IQCM: variants seen among roughly 807,000 people sequenced by gnomAD.
The protein encoded by IQCM is IQ motif containing M, also known as IQ domain-containing protein M.
Under a neutral mutation model 57.6 loss-of-function variants are expected in IQCM, and 45 were observed. The ratio of observed to expected loss-of-function variants is 0.78; its 90% CI spans 0.62 to 1.00. The LOEUF is 1.00. Ranked by LOEUF, IQCM falls within the 50% of genes least tolerant of loss-of-function variation. The pLI is 0.00. For missense variants in IQCM, 468 were observed against 511.6 expected, an observed-to-expected ratio of 0.91 and a Z score of 0.82; for synonymous variants, 148 against 158.9, an observed-to-expected ratio of 0.93 and a Z score of 0.51.
chr4:149,559,088 C>T (rs1300495713), intron 10 of IQCM, among the ~76,000 whole-genome samples: 1 of 152,116 alleles, frequency 6.6e-6, no homozygotes, highest in East Asian at 1.9e-4. Flanking sequence ...TGACTCCACC[C>T]TCCTCCTTAT....
chr4:149,516,170 C>T (rs1744942460), intron 12 of IQCM, among the ~76,000 whole-genome samples: 1 of 152,198 alleles, frequency 6.6e-6, no homozygotes, highest in Non-Finnish European at 1.5e-5. Flanking sequence ...CGATATGGCA[C>T]CACTCCTCAG....
chr4:149,430,929 G>GTAGCT (rs200778770), intron 13 of IQCM, among the ~76,000 whole-genome samples: 1,527 of 152,126 alleles, frequency 0.01, 17 homozygotes, highest in Non-Finnish European at 0.013. Context: ...ACCAGGCGCA[G>GTAGCT]TAGCTCATGC....
At chr4:149,666,773 T>A (rs779420787) in intron 7 of IQCM, among the ~76,000 whole-genome samples, 1 of 151,874 alleles carries the variant, frequency 6.6e-6, no homozygotes, top group Non-Finnish European at 1.5e-5. Flanking sequence ...GAGGCTTGAG[T>A]AGGCATTTTC....
intron 12 of IQCM, among the ~76,000 whole-genome samples, chr4:149,435,478 A>T (rs560196392): frequency 1.3e-5 from 2 of 151,968 alleles, no homozygotes; most frequent in East Asian, 1.9e-4. Context: ...AACTATTTAC[A>T]TTACATTTAT....
intron 2 of IQCM, among the ~76,000 whole-genome samples, chr4:149,748,403 A>C (rs1367467134): frequency 2.0e-5 from 3 of 152,260 alleles, no homozygotes; most frequent in Non-Finnish European, 4.4e-5. Context: ...TTAAATCACA[A>C]AAAAGCAGTT....
intron 13 of IQCM, among the ~76,000 whole-genome samples, chr4:149,432,981 A>T (rs1196878019): frequency 2.6e-5 from 4 of 152,058 alleles, no homozygotes; most frequent in African/African-American, 7.2e-5. Flanking sequence ...CCAACTGTTG[A>T]TAGAGCTGTG....
At chr4:149,603,829 G>A (rs190750295) in intron 8 of IQCM, among the ~76,000 whole-genome samples, 1 of 151,918 alleles carries the variant, frequency 6.6e-6, no homozygotes, top group East Asian at 1.9e-4. Context: ...CCTAAATTCA[G>A]CATTTTTACC....
At chr4:149,454,706 CATGA>C (rs1292669201) in intron 12 of IQCM, among the ~76,000 whole-genome samples, 2 of 151,982 alleles carry the variant, frequency 1.3e-5, no homozygotes, top group Non-Finnish European at 2.9e-5. Context: ...CATGCTACAA[CATGA>C]ATAAACTTCA....
chr4:149,652,015 A>G (rs1438333241), intron 7 of IQCM, among the ~76,000 whole-genome samples: 1 of 152,192 alleles, frequency 6.6e-6, no homozygotes, highest in African/African-American at 2.4e-5. Context: ...TGTTTATTGC[A>G]GCACTATTCA....
At chr4:149,357,730 G>C (rs1004080623) in intron 13 of IQCM, among the ~76,000 whole-genome samples, 47 of 152,158 alleles carry the variant, frequency 3.1e-4, no homozygotes, top group African/African-American at 1.1e-3. Flanking sequence ...TCTCTGTCAG[G>C]CTTTGGTATC....
At position 149,383,347 on chromosome 4, in the gene IQCM, C is replaced by T. The variant is rs139070179; in HGVS notation, c.1391-31281G>A. The stretch of plus-strand genomic sequence containing the variant: ...CATGTTTGAAATCATAAGTAAAAAA[C>T]GAATACCTTAATGGCTCTCTAAGGA... On this transcript the variant is annotated intron_variant, in intron 13 of 13. Coordinates refer to ENST00000636793, the MANE Select transcript of IQCM (RefSeq NM_001363507.2). Among the ~76,000 whole-genome samples the T allele has an allele frequency of 2.0e-3, 304 of 152,170 alleles. 2 individuals carry two copies. The highest frequency in any genetic ancestry group is 0.01 in the Middle Eastern group (3 of 292).
At chr4:149,713,236 T>G (rs888830441) in intron 5 of IQCM, among the ~76,000 whole-genome samples, 15 of 152,196 alleles carry the variant, frequency 9.9e-5, no homozygotes, top group Non-Finnish European at 1.6e-4. Context: ...CTGTGATTCA[T>G]CGATACTACC....
intron 3 of IQCM, among the ~76,000 whole-genome samples, chr4:149,736,616 C>CA (rs1445530364): frequency 1.3e-5 from 2 of 152,116 alleles, no homozygotes; most frequent in African/African-American, 4.8e-5. Context: ...ACTCAATCTT[C>CA]ATGTGAATCA....
Position 149,503,236 on chromosome 4 carries a change from A to C in IQCM, c.1228+45219T>G, listed in dbSNP as rs1480017888. Among the ~76,000 whole-genome samples the C allele has an allele frequency of 2.0e-5, 3 of 152,290 alleles. No homozygotes were observed. In the East Asian group the frequency reaches 5.8e-4, roughly 29 times the overall value. On this transcript the variant is annotated intron_variant, in intron 12 of 13. Transcript: ENST00000636793. ...ACCCTGTCTCTACAAATAAAATTAA[A>C]TACAATAATATGAATAACAATAATA...
Position 149,473,141 on chromosome 4 carries a change from A to G in IQCM, c.1229-39584T>C, listed in dbSNP as rs1405297374. Among the ~76,000 whole-genome samples the G allele has an allele frequency of 4.6e-5, 7 of 152,256 alleles. No homozygotes were observed. In the East Asian group the frequency reaches 1.3e-3, roughly 29 times the overall value. ...GACAAATGGGAGCTAATTAAACTCA[A>G]GAGCTTCTGCACAGCAAAAGAAACT... On this transcript the variant is annotated intron_variant, in intron 12 of 13. Transcript: ENST00000636793.
rs373553895 is a variant in IQCM at position 149,543,420 on chromosome 4, C to T, written c.1228+5035G>A. On this transcript the variant is annotated intron_variant, in intron 12 of 13. Transcript: ENST00000636793. ...GCCCCTTCCTGTGTCCATGTGTTCTCATTGTTCAATTCCCACCTATGAGTG... is the reference window on the plus strand; with the variant it reads ...GCCCCTTCCTGTGTCCATGTGTTCTTATTGTTCAATTCCCACCTATGAGTG... Among the ~76,000 whole-genome samples the T allele has an allele frequency of 1.8e-4, 27 of 152,164 alleles. No homozygotes were observed. The East Asian group carries it at 4.8e-3, about 27-fold the overall frequency.
intron 9 of IQCM, among the ~76,000 whole-genome samples, chr4:149,566,721 T>C (rs893678270): frequency 6.6e-6 from 1 of 151,942 alleles, no homozygotes; most frequent in Non-Finnish European, 1.5e-5. Flanking sequence ...TGAAAAGAAA[T>C]GAATTTTATC....
intron 7 of IQCM, among the ~76,000 whole-genome samples, chr4:149,623,911 C>T (rs12503307): frequency 0.22 from 33,821 of 152,040 alleles, 4,400 homozygotes; most frequent in South Asian, 0.48. Context: ...AAAATGGTCA[C>T]ATCAGTTTAA....
intron 12 of IQCM, among the ~76,000 whole-genome samples, chr4:149,526,713 G>A (rs976909349): frequency 6.6e-6 from 1 of 152,046 alleles, no homozygotes; most frequent in Admixed American, 6.5e-5. Context: ...GAACAAATGT[G>A]TAAATAGTAA....
Sources: gnomAD v4.1 joint callset for allele counts (sites outside exome capture counted in the v4.1 genomes callset) on GRCh38, gnomAD v4.1.1 for gene constraint, MANE v1.5 for transcripts, NCBI Gene and HGNC (gene_info 2026-07-23, HGNC 2026-07-21) for gene names.